The following FKBP5 variants were observed in gnomAD, a reference collection of about 807,000 sequenced individuals.
FKBP5 encodes the protein peptidyl-prolyl cis-trans isomerase FKBP5.
FKBP5 carries 23 observed loss-of-function variants against 50.5 expected under a neutral mutation model. That is an observed-to-expected ratio of 0.46 (90% CI 0.33 to 0.65). FKBP5 has a LOEUF of 0.65. Among genes scored for constraint, FKBP5 ranks in the 30% least tolerant of loss-of-function variants. The probability of loss-of-function intolerance (pLI) is 0.02; values close to 1 mark genes in which losing one functional copy is unlikely to be tolerated. For missense variants in FKBP5, 411 were observed against 553.1 expected (o/e 0.74, Z 2.58); for synonymous variants, 176 against 190.6 (o/e 0.92, Z 0.63).
chr6:35,650,754 A>T (rs1359127755), intron 1 of FKBP5, among the ~76,000 whole-genome samples: 1 of 152,098 alleles, frequency 6.6e-6, no homozygotes, highest in African/African-American at 2.4e-5. Flanking sequence ...GGGATCACAG[A>T]CATGAGCCAC....
chr6:35,620,584 C>A, intron 3 of FKBP5, among the ~76,000 whole-genome samples: 1 of 150,934 alleles, frequency 6.6e-6, no homozygotes. Context: ...AAAAAACACC[C>A]CAAAGAACCA....
chr6:35,643,675 C>T (rs1193273838), intron 1 of FKBP5, among the ~76,000 whole-genome samples: 1 of 152,206 alleles, frequency 6.6e-6, no homozygotes, highest in Non-Finnish European at 1.5e-5. Flanking sequence ...AGTCATTCTT[C>T]TGGTCACTCC....
At chr6:35,625,689 T>C (rs1209655700) in intron 3 of FKBP5, among the ~76,000 whole-genome samples, 2 of 148,808 alleles carry the variant, frequency 1.3e-5, no homozygotes, top group South Asian at 2.2e-4. Flanking sequence ...TGAGCCGAGA[T>C]TGCGCCACTG....
In FKBP5 at chr6:35,652,876, T is replaced by A. The variant is rs550515603; in HGVS notation, c.-19-10033A>T. Among the ~76,000 whole-genome samples the A allele has an allele frequency of 1.0e-3, 152 of 152,296 alleles. 1 individual carries two copies. The highest frequency in any genetic ancestry group is 1.6e-3 in the Admixed American group (25 of 15,288). On this transcript the variant is annotated intron_variant, in intron 1 of 10. Transcript: ENST00000357266. Reference sequence around the variant, plus strand: ...TGTGGGGCATCACGGATCCTACCAATGTGTGATGTCTCCCCCGGACGCCCA... The same window carrying A: ...TGTGGGGCATCACGGATCCTACCAAAGTGTGATGTCTCCCCCGGACGCCCA...
intron 5 of FKBP5, among the ~76,000 whole-genome samples, chr6:35,610,331 C>T (rs1256069679): frequency 6.6e-6 from 1 of 151,986 alleles, no homozygotes; most frequent in Non-Finnish European, 1.5e-5. Context: ...CTTTGGGAGG[C>T]TGAGGCAGGT....
chr6:35,667,118 A>G (rs1159103125), intron 1 of FKBP5, among the ~76,000 whole-genome samples: 1 of 152,050 alleles, frequency 6.6e-6, no homozygotes, highest in African/African-American at 2.4e-5. Flanking sequence ...AATAAAGAAA[A>G]CTGAGTATAG....
At chr6:35,704,803 C>G (rs1766250936) in intron 2 of FKBP5, among the ~76,000 whole-genome samples, 1 of 151,830 alleles carries the variant, frequency 6.6e-6, no homozygotes, top group Admixed American at 6.6e-5. Flanking sequence ...AGAATTATAG[C>G]CCTACCAGAG....
chr6:35,696,683 T>A (rs987160573), intron 2 of FKBP5, among the ~76,000 whole-genome samples: 1 of 152,218 alleles, frequency 6.6e-6, no homozygotes, highest in African/African-American at 2.4e-5. Context: ...ATGACTATTT[T>A]ATAGAAATTG....
chr6:35,596,448 G>A (rs1052277924), intron 6 of FKBP5, among the ~76,000 whole-genome samples: 2 of 152,040 alleles, frequency 1.3e-5, no homozygotes, highest in Non-Finnish European at 1.5e-5. Flanking sequence ...ACCACAAAAG[G>A]CTTAACATCA....
intron 7 of FKBP5, among the ~76,000 whole-genome samples, chr6:35,587,683 T>C (rs1004482844): frequency 1.3e-5 from 2 of 152,200 alleles, no homozygotes; most frequent in Non-Finnish European, 2.9e-5. Flanking sequence ...CAAAACATAA[T>C]TGGGAGTAAA....
At chr6:35,657,656 CA>C (rs1488645951) in intron 1 of FKBP5, among the ~76,000 whole-genome samples, 13 of 152,128 alleles carry the variant, frequency 8.5e-5, no homozygotes. Flanking sequence ...AACATATTTA[CA>C]AGTTCCATTT....
chr6:35,705,534 G>A (rs913185299), intron 2 of FKBP5, among the ~76,000 whole-genome samples: 2 of 151,236 alleles, frequency 1.3e-5, no homozygotes, highest in African/African-American at 4.9e-5. Context: ...CAAAGTGCTG[G>A]GATTACAGGC....
At chr6:35,584,185 C>A in intron 8 of FKBP5, 1 of 985,428 alleles carries the variant, frequency 1.0e-6, no homozygotes, top group Non-Finnish European at 1.2e-6. Flanking sequence ...TAATATTATG[C>A]TGTTACCTGT....
At chr6:35,623,696 A>C (rs1454673539) in intron 3 of FKBP5, among the ~76,000 whole-genome samples, 1 of 151,676 alleles carries the variant, frequency 6.6e-6, no homozygotes, top group African/African-American at 2.4e-5. Flanking sequence ...TAGCCTCCCA[A>C]GTAGCTGGGA....
chr6:35,634,345 C>A (rs1325894882), intron 3 of FKBP5, among the ~76,000 whole-genome samples: 2 of 152,128 alleles, frequency 1.3e-5, no homozygotes, highest in African/African-American at 4.8e-5. Context: ...CAACAAAATT[C>A]TAAAATAACT....
intron 2 of FKBP5, among the ~76,000 whole-genome samples, chr6:35,641,421 T>C (rs531915987): frequency 1.3e-5 from 2 of 152,326 alleles, no homozygotes; most frequent in African/African-American, 4.8e-5. Context: ...GTGACTGCAG[T>C]GCAGTAGGTT....
intron 5 of FKBP5, among the ~76,000 whole-genome samples, chr6:35,613,509 C>T (rs977841113): frequency 6.6e-6 from 1 of 152,080 alleles, no homozygotes; most frequent in Admixed American, 6.6e-5. Flanking sequence ...AGCCACCGCA[C>T]CTGGCCTAGT....
chr6:35,725,568 C>A (rs1294673523), intron 1 of FKBP5, among the ~76,000 whole-genome samples: 14 of 152,240 alleles, frequency 9.2e-5, no homozygotes, highest in Admixed American at 2.6e-4. Context: ...CTGCACCCCA[C>A]CTTCCCACCC....
At chr6:35,607,104 ATTTT>A (rs1763346855) in intron 5 of FKBP5, among the ~76,000 whole-genome samples, 1 of 151,776 alleles carries the variant, frequency 6.6e-6, no homozygotes, top group South Asian at 2.1e-4. Flanking sequence ...CACCCAGCTA[ATTTT>A]TGTATTTTTA....
Sources: gnomAD v4.1 joint callset for allele counts (sites outside exome capture counted in the v4.1 genomes callset) on GRCh38, gnomAD v4.1.1 for gene constraint, MANE v1.5 for transcripts, NCBI Gene and HGNC (gene_info 2026-07-23, HGNC 2026-07-21) for gene names.